MPDZ: variants seen among roughly 807,000 people sequenced by gnomAD.
MPDZ encodes multiple PDZ domain crumbs cell polarity complex component, also known as multiple PDZ domain protein.
MPDZ carries 234 observed loss-of-function variants against 239.1 expected under a neutral mutation model. That is an observed-to-expected ratio of 0.98 (90% confidence interval 0.88 to 1.09). The LOEUF (loss-of-function observed/expected upper bound fraction) is 1.09, where lower values mean the gene tolerates loss of function less well. MPDZ is among the 50% of genes least tolerant of loss of function. The pLI is 0.00. For missense variants in MPDZ, 3,175 were observed against 2,510.0 expected, an observed-to-expected ratio of 1.26 and a Z score of -5.66; for synonymous variants, 1,048 against 881.3, an observed-to-expected ratio of 1.19 and a Z score of -3.35.
chr9:13,261,130 G>A (rs1316470566), intron 1 of MPDZ, among the ~76,000 whole-genome samples: 1 of 152,188 alleles, frequency 6.6e-6, no homozygotes, highest in African/African-American at 2.4e-5. Flanking sequence ...GAGTTGAGAA[G>A]ATAGAAGGTG....
chr9:13,228,104 TAAAC>T (rs902691135), intron 3 of MPDZ, among the ~76,000 whole-genome samples: 3 of 152,090 alleles, frequency 2.0e-5, no homozygotes, highest in Non-Finnish European at 4.4e-5. Flanking sequence ...GAATATAAAA[TAAAC>T]AAAAGAAAAC....
intron 24 of MPDZ, among the ~76,000 whole-genome samples, chr9:13,151,078 T>C (rs1157355970): frequency 6.6e-6 from 1 of 151,816 alleles, no homozygotes; most frequent in Non-Finnish European, 1.5e-5. Context: ...ATTATGGAAA[T>C]ACAAATCAAA....
At chr9:13,179,380 C>T (rs1952963973) in intron 19 of MPDZ, among the ~76,000 whole-genome samples, 1 of 152,096 alleles carries the variant, frequency 6.6e-6, no homozygotes, top group Admixed American at 6.6e-5. Context: ...AATTGCTTTT[C>T]ATTAGCAAAA....
intron 19 of MPDZ, among the ~76,000 whole-genome samples, chr9:13,177,739 A>C (rs953687762): frequency 3.3e-5 from 5 of 152,200 alleles, no homozygotes; most frequent in African/African-American, 9.6e-5. Context: ...TGGACAAGTT[A>C]CTTAAACACT....
At chr9:13,234,542 T>A (rs564157634) in intron 3 of MPDZ, among the ~76,000 whole-genome samples, 17 of 152,286 alleles carry the variant, frequency 1.1e-4, no homozygotes, top group African/African-American at 4.1e-4. Context: ...ATACACAGTA[T>A]AGCAGTAAGA....
intron 32 of MPDZ, among the ~76,000 whole-genome samples, chr9:13,128,349 T>A (rs1039923385): frequency 6.6e-6 from 1 of 152,192 alleles, no homozygotes; most frequent in Non-Finnish European, 1.5e-5. Context: ...CAGCTGCCAT[T>A]GTCCTAAGAA....
In MPDZ at chr9:13,168,533, C is replaced by T. The variant is rs1951378522; in HGVS notation, c.3087G>A (p.Leu1029=). 2 of 1,611,180 alleles carry T rather than the reference C, an allele frequency of 1.2e-6. No individual in the cohort carries two copies. Among genetic ancestry groups the T allele is most frequent in the Admixed American group, 1.7e-5 (1 of 59,518 alleles). The change falls in exon 22 of 47, where the codon TTG becomes TTA. Residue 1029 remains leucine, a synonymous_variant. Transcript: ENST00000319217. The part of the protein sequence containing the change: ...GMTVSANKDG[L]GMIVRSIIHG... Reference sequence around the variant, plus strand: ...GAATAATGCTTCGAACGATCATCCCCAAGCCATCTTTATTAGCACTAACTG... The same window carrying T: ...GAATAATGCTTCGAACGATCATCCCTAAGCCATCTTTATTAGCACTAACTG...
chr9:13,136,320 G>GTTTTATTTTTTTTTTTT, intron 30 of MPDZ, 138 bp from the exon 31 acceptor site: 3 of 194,652 alleles, frequency 1.5e-5, no homozygotes, highest in East Asian at 1.2e-4. Context: ...ATTTACAAAC[G>GTTTTATTTTTTTTTTTT]TTTTCTTTTT....
rs1346697995 is a variant in MPDZ at position 13,245,018 on chromosome 9, A to T, written c.183+2617T>A. On this transcript the variant is annotated intron_variant, in intron 3 of 46. Coordinates refer to ENST00000319217, the MANE Select transcript of MPDZ (RefSeq NM_001378778.1). Reference sequence around the variant, plus strand: ...GCAGCTGTCATGCATATAAAATTATACATTTGAAAACAGGTAAGGTATGAG... The same window carrying T: ...GCAGCTGTCATGCATATAAAATTATTCATTTGAAAACAGGTAAGGTATGAG... Among the ~76,000 whole-genome samples, 3 of 152,176 alleles carry T rather than the reference A, an allele frequency of 2.0e-5. No individual in the cohort carries two copies. In the East Asian group the frequency reaches 5.8e-4, roughly 29 times the overall value.
At chr9:13,150,762 A>G (rs547005266) in intron 24 of MPDZ, 74 bp from the exon 25 acceptor site, 2 of 995,752 alleles carry the variant, frequency 2.0e-6, no homozygotes, top group Non-Finnish European at 2.6e-6. Context: ...GAATTTGGCA[A>G]TGATTTCTTA....
intron 1 of MPDZ, among the ~76,000 whole-genome samples, chr9:13,253,743 AT>A (rs1968710407): frequency 6.6e-6 from 1 of 152,228 alleles, no homozygotes; most frequent in African/African-American, 2.4e-5. Context: ...AGTGACAATA[AT>A]GAATCAGAGA....
At chr9:13,221,336 A>G in intron 7 of MPDZ, 36 bp downstream of exon 7, 2 of 1,556,624 alleles carry the variant, frequency 1.3e-6, no homozygotes, top group Non-Finnish European at 1.7e-6. Context: ...ATATTATTTG[A>G]TAAAATAGCA....
intron 46 of MPDZ, 71 bp from the exon 47 acceptor site, chr9:13,107,182 C>A (rs1172491447): frequency 2.0e-6 from 3 of 1,469,766 alleles, no homozygotes; most frequent in Admixed American, 3.8e-5. Flanking sequence ...AGAAAAAGAT[C>A]TCAACAGGAA....
intron 1 of MPDZ, among the ~76,000 whole-genome samples, chr9:13,266,080 T>C (rs1281297615): frequency 1.3e-5 from 2 of 152,230 alleles, no homozygotes; most frequent in South Asian, 2.1e-4. Flanking sequence ...GAGTGTTGTA[T>C]ATTGCATAAA....
intron 13 of MPDZ, 126 bp from the exon 14 acceptor site, chr9:13,193,439 T>C (rs1027969936): frequency 1.1e-5 from 12 of 1,048,634 alleles, no homozygotes; most frequent in African/African-American, 9.6e-5. Flanking sequence ...AAAAACCATA[T>C]TGTAAAACTG....
intron 22 of MPDZ, among the ~76,000 whole-genome samples, chr9:13,168,089 T>C (rs745713434): frequency 3.3e-5 from 5 of 152,146 alleles, no homozygotes; most frequent in African/African-American, 4.8e-5. Context: ...GTGAGAATCA[T>C]TGCATCCCTC....
chr9:13,145,160 A>T (rs988149604), intron 26 of MPDZ, among the ~76,000 whole-genome samples: 1 of 152,124 alleles, frequency 6.6e-6, no homozygotes, highest in Non-Finnish European at 1.5e-5. Context: ...GAAATGGTAG[A>T]TTACTCTATT....
At position 13,206,897 on chromosome 9, in the gene MPDZ, T is replaced by G. The variant is rs184640419; in HGVS notation, c.1291-798A>C. On this transcript the variant is annotated intron_variant, in intron 10 of 46. Coordinates refer to ENST00000319217, the MANE Select transcript of MPDZ (RefSeq NM_001378778.1). ...TCTCCCTATGTTGCTAAGGCTAGTCTTGAACTCCAGGGCTCAAGGGATCCT... is the reference window on the plus strand; with the variant it reads ...TCTCCCTATGTTGCTAAGGCTAGTCGTGAACTCCAGGGCTCAAGGGATCCT... 2.6e-4 allele frequency among the ~76,000 whole-genome samples: 40 copies of G among 152,234 alleles called. 1 individual carries two copies. The highest frequency in any genetic ancestry group is 9.1e-4 in the African/African-American group (38 of 41,566).
chr9:13,111,998 C>T (rs183252821), intron 43 of MPDZ, 26 bp downstream of exon 43: 2 of 1,611,068 alleles, frequency 1.2e-6, no homozygotes, highest in South Asian at 1.1e-5. Context: ...TTTGCTAGGG[C>T]TTCTAGGGTT....
Sources: gnomAD v4.1 joint callset for allele counts (sites outside exome capture counted in the v4.1 genomes callset) on GRCh38, gnomAD v4.1.1 for gene constraint, MANE v1.5 for transcripts, NCBI Gene and HGNC (gene_info 2026-07-23, HGNC 2026-07-21) for gene names.